Variants in CACNA1C observed in about 807,000 individuals in gnomAD.
CACNA1C encodes voltage-dependent L-type calcium channel subunit alpha-1C.
A neutral mutation model predicts 229.0 loss-of-function variants in CACNA1C; 30 were observed. The ratio of observed to expected loss-of-function variants is 0.13; its 90% CI spans 0.10 to 0.18. CACNA1C has a LOEUF of 0.18. Among genes scored for constraint, CACNA1C ranks in the 10% least tolerant of loss-of-function variants. The pLI, the probability that CACNA1C is intolerant of heterozygous loss-of-function variation, is 1.00. For missense variants in CACNA1C, 1,658 were observed against 2,845.0 expected (o/e 0.58, Z 9.49); for synonymous variants, 1,114 against 1,132.5 (o/e 0.98, Z 0.33).
intron 1 of CACNA1C, among the ~76,000 whole-genome samples, chr12:2,003,970 C>G (rs921498576): frequency 6.6e-6 from 1 of 152,298 alleles, no homozygotes; most frequent in Admixed American, 6.5e-5. Flanking sequence ...ATCGGTCTTC[C>G]GGCCATAAGG....
chr12:2,233,777 C>G (rs995169006), intron 3 of CACNA1C, among the ~76,000 whole-genome samples: 2 of 152,162 alleles, frequency 1.3e-5, no homozygotes, highest in East Asian at 1.9e-4. Flanking sequence ...CAGTGCTTCC[C>G]TCTCCTATGG....
chr12:2,485,299 C>T (rs560267759), intron 5 of CACNA1C, among the ~76,000 whole-genome samples: 13 of 152,180 alleles, frequency 8.5e-5, no homozygotes, highest in Admixed American at 1.3e-4. Flanking sequence ...GTGACTTTCT[C>T]GGGGCTGGGT....
chr12:2,430,183 A>G (rs1472493702), intron 3 of CACNA1C, among the ~76,000 whole-genome samples: 1 of 152,112 alleles, frequency 6.6e-6, no homozygotes, highest in Non-Finnish European at 1.5e-5. Context: ...TTCTGCCCTC[A>G]TGACCTAATC....
chr12:2,535,437 G>A (rs1481840358), intron 9 of CACNA1C, among the ~76,000 whole-genome samples: 2 of 151,502 alleles, frequency 1.3e-5, no homozygotes, highest in East Asian at 3.9e-4. Context: ...GGTGGCTCCC[G>A]CCTGCAATCC....
chr12:2,453,543 C>T lies in CACNA1C; in HGVS notation c.618-4024C>T, dbSNP rs146827282. The stretch of plus-strand genomic sequence containing the variant: ...TATAAAGGACAGAAATCACCCTGCA[C>T]GCCCTTTTCCCTATTTTTCTTGGTT... On this transcript the variant is annotated intron_variant, in intron 4 of 46. Transcript: ENST00000399655. Among the ~76,000 whole-genome samples the T allele has an allele frequency of 3.8e-3, 574 of 152,186 alleles. 5 individuals carry two copies. The highest frequency in any genetic ancestry group is 0.013 in the African/African-American group (532 of 41,506).
intron 37 of CACNA1C, among the ~76,000 whole-genome samples, chr12:2,667,722 TG>T (rs1340807665): frequency 6.6e-6 from 1 of 152,154 alleles, no homozygotes; most frequent in Non-Finnish European, 1.5e-5. Flanking sequence ...GGCTGAAGCC[TG>T]GGTGCGAAAC....
intron 4 of CACNA1C, 56 bp from the exon 5 acceptor site, chr12:2,457,511 A>C: frequency 6.4e-7 from 1 of 1,570,078 alleles, no homozygotes; most frequent in Non-Finnish European, 8.7e-7. Flanking sequence ...TCAGAGCCCC[A>C]GCTGGGCAAA....
chr12:2,113,155 G>A (rs1225379498), intron 1 of CACNA1C, among the ~76,000 whole-genome samples: 2 of 152,192 alleles, frequency 1.3e-5, no homozygotes, highest in Non-Finnish European at 2.9e-5. Context: ...TCACCTGCGT[G>A]TGGCTCAGGT....
chr12:2,157,781 A>G, intron 3 of CACNA1C, among the ~76,000 whole-genome samples: 1 of 152,242 alleles, frequency 6.6e-6, no homozygotes, highest in East Asian at 1.9e-4. Context: ...AATAGAAACC[A>G]AAGCTAACAA....
At chr12:2,239,548 G>A (rs1486359026) in intron 3 of CACNA1C, among the ~76,000 whole-genome samples, 4 of 152,198 alleles carry the variant, frequency 2.6e-5, no homozygotes, top group East Asian at 3.9e-4. Context: ...GAAGCCCGGC[G>A]CTTCCCGGGT....
At chr12:2,390,127 C>T (rs772617347) in intron 3 of CACNA1C, among the ~76,000 whole-genome samples, 3 of 152,164 alleles carry the variant, frequency 2.0e-5, no homozygotes, top group Non-Finnish European at 2.9e-5. Flanking sequence ...TTTGTAGGTA[C>T]GTCTTCTTTA....
intron 2 of CACNA1C, among the ~76,000 whole-genome samples, chr12:2,117,086 T>A (rs1433839284): frequency 6.6e-6 from 1 of 152,146 alleles, no homozygotes; most frequent in Non-Finnish European, 1.5e-5. Context: ...CTGGCCAACA[T>A]GAGGTGAAAC....
rs1009325147 is a variant in CACNA1C at position 2,488,201 on chromosome 12, C to A, written c.916+1939C>A. Among the ~76,000 whole-genome samples, 3 of 152,200 alleles carry A rather than the reference C, an allele frequency of 2.0e-5. No individual in the cohort carries two copies. Among genetic ancestry groups the A allele is most frequent in the Non-Finnish European group, 4.4e-5 (3 of 68,038 alleles). ...CTGCAGGCAATTTCCATCATCCTAA[C>A]GAGAAAGCAGTCCAAGAGTGTTTTC... On this transcript the variant is annotated intron_variant, in intron 6 of 46. Transcript: ENST00000399655. The surrounding 1 kb of genome is among the most constrained non-coding windows in gnomAD (Gnocchi z 4.0).
Position 2,651,848 on chromosome 12 carries a change from G to T in CACNA1C, c.4074+80G>T. 8.5e-7 allele frequency: 1 copy of T among 1,170,008 alleles called. No homozygotes were observed. Among genetic ancestry groups the T allele is most frequent in the South Asian group, 1.5e-5 (1 of 65,966 alleles). The allele number at this position is 1,170,008 out of a possible 1,614,324, so 72.5% of individuals were successfully genotyped here. A position where few individuals can be genotyped will look rare whatever the true frequency, so the allele number is the denominator to read the frequency against. Reference sequence around the variant, plus strand: ...CAGAACACAGCTGACACAAGGAGGAGCCCTCCACTCTGGGGCCCTGCTCCT... The same window carrying T: ...CAGAACACAGCTGACACAAGGAGGATCCCTCCACTCTGGGGCCCTGCTCCT... On this transcript the variant is annotated intron_variant, in intron 32 of 46. Transcript: ENST00000399655. This position sits in a 1 kb window ranked among gnomAD's most constrained non-coding sequence, Gnocchi z 5.4.
upstream of CACNA1C, among the ~76,000 whole-genome samples, chr12:2,051,485 T>C (rs534170104): frequency 6.6e-6 from 1 of 152,230 alleles, no homozygotes; most frequent in South Asian, 2.1e-4. Context: ...GACTGCTGTA[T>C]TGAGAAAATA....
At chr12:2,335,772 G>A (rs2154518216) in intron 3 of CACNA1C, among the ~76,000 whole-genome samples, 1 of 152,310 alleles carries the variant, frequency 6.6e-6, no homozygotes, top group East Asian at 1.9e-4. Context: ...GAGGTCAGCA[G>A]AGGCCCAGAA....
intron 1 of CACNA1C, among the ~76,000 whole-genome samples, chr12:2,089,873 C>CA (rs56086335): frequency 0.72 from 108,396 of 151,214 alleles, 39,410 homozygotes; most frequent in African/African-American, 0.75. Flanking sequence ...ACTAAAAATA[C>CA]AAAAAATTAG....
chr12:2,352,629 T>C (rs562131258), intron 3 of CACNA1C, among the ~76,000 whole-genome samples: 1 of 152,010 alleles, frequency 6.6e-6, no homozygotes, highest in Non-Finnish European at 1.5e-5. Context: ...CCGTTGAGTG[T>C]CTGGCAAAGA....
chr12:2,533,535 G>A (rs2099845893), intron 9 of CACNA1C, among the ~76,000 whole-genome samples: 1 of 152,200 alleles, frequency 6.6e-6, no homozygotes, highest in Non-Finnish European at 1.5e-5. Flanking sequence ...TCCAGTGGAA[G>A]TCCCCAGCCA....
Sources: allele counts gnomAD v4.1 joint callset (sites outside exome capture counted in the v4.1 genomes callset), GRCh38; gene constraint gnomAD v4.1.1; non-coding constraint Gnocchi (gnomAD v3.1); transcripts MANE v1.5; gene names NCBI Gene and HGNC (gene_info 2026-07-23, HGNC 2026-07-21).